PAPPA2: variants seen among roughly 807,000 people sequenced by gnomAD.
The protein encoded by PAPPA2 is pappalysin-2.
In PAPPA2, 86 loss-of-function variants were observed where a neutral mutation model predicts 176.4. The observed-to-expected ratio is 0.49, with a 90% confidence interval of 0.41 to 0.58. The LOEUF (loss-of-function observed/expected upper bound fraction) is 0.58. Among genes scored for constraint, PAPPA2 ranks in the 20% least tolerant of loss-of-function variants. The pLI is 0.00. For missense variants in PAPPA2, 2,073 were observed against 2,256.9 expected, an observed-to-expected ratio of 0.92 and a Z score of 1.65; for synonymous variants, 809 against 852.2, an observed-to-expected ratio of 0.95 and a Z score of 0.88.
intron 21 of PAPPA2, among the ~76,000 whole-genome samples, chr1:176,818,276 G>A (rs1033058134): frequency 6.6e-6 from 1 of 152,186 alleles, no homozygotes; most frequent in East Asian, 1.9e-4. Flanking sequence ...AAGATAAAGA[G>A]AAGATATAAG....
chr1:176,596,890 T>C (rs557709734), intron 3 of PAPPA2, among the ~76,000 whole-genome samples: 1 of 152,282 alleles, frequency 6.6e-6, no homozygotes, highest in East Asian at 1.9e-4. Context: ...GGACAAGGTA[T>C]CCCCAGTACA....
intron 2 of PAPPA2, among the ~76,000 whole-genome samples, chr1:176,592,708 A>G (rs1653737293): frequency 6.6e-6 from 1 of 152,178 alleles, no homozygotes; most frequent in African/African-American, 2.4e-5. Flanking sequence ...GTATGCATCA[A>G]ATATAAAGTA....
At chr1:176,791,090 T>G (rs746639466) in intron 18 of PAPPA2, among the ~76,000 whole-genome samples, 3 of 150,414 alleles carry the variant, frequency 2.0e-5, no homozygotes, top group Non-Finnish European at 4.4e-5. Flanking sequence ...TGTTCCTATA[T>G]ATAAAGGAAA....
rs1663092856 is a variant in PAPPA2 at position 176,749,970 on chromosome 1, T to TTAAA, written c.4151+9776_4151+9779dup. On this transcript the variant is annotated intron_variant, in intron 14 of 22. Coordinates refer to ENST00000367662, the MANE Select transcript of PAPPA2 (RefSeq NM_020318.3). ...CAGGCTTTTCTATAGACATAAATTT[T>TTAAA]TAAATGTCTTTGAATAAATACCAAG... Among the ~76,000 whole-genome samples, 3 of 152,346 alleles carry TTAAA rather than the reference T, an allele frequency of 2.0e-5. No homozygotes were observed. The South Asian group carries it at 6.2e-4, about 32-fold the overall frequency.
chr1:176,582,080 C>G (rs1052381262), intron 2 of PAPPA2, among the ~76,000 whole-genome samples: 23 of 151,588 alleles, frequency 1.5e-4, no homozygotes, highest in South Asian at 1.2e-3. Context: ...CCCGCCACCA[C>G]GCCCGGCTAA....
intron 3 of PAPPA2, among the ~76,000 whole-genome samples, chr1:176,640,250 G>T (rs1656991868): frequency 6.6e-6 from 1 of 150,586 alleles, no homozygotes; most frequent in Non-Finnish European, 1.5e-5. Flanking sequence ...GTGCAGGTTA[G>T]TCACATATGT....
chr1:176,483,615 T>G (rs564626612), intron 1 of PAPPA2, among the ~76,000 whole-genome samples: 1 of 152,024 alleles, frequency 6.6e-6, no homozygotes, highest in South Asian at 2.1e-4. Flanking sequence ...GGAACACATG[T>G]GCCTGCCACC....
chr1:176,681,058 A>C (rs371496434), intron 4 of PAPPA2, among the ~76,000 whole-genome samples: 46 of 152,078 alleles, frequency 3.0e-4, no homozygotes, highest in African/African-American at 9.9e-4. Flanking sequence ...TCTAAAATCA[A>C]CTAAGAAGGG....
intron 1 of PAPPA2, among the ~76,000 whole-genome samples, chr1:176,552,003 C>G (rs1049492387): frequency 6.6e-6 from 1 of 152,068 alleles, no homozygotes; most frequent in Non-Finnish European, 1.5e-5. Flanking sequence ...TTTTGTAAAA[C>G]GTGTCCAGTC....
At chr1:176,705,783 G>A (rs753820276) in intron 9 of PAPPA2, among the ~76,000 whole-genome samples, 4 of 152,186 alleles carry the variant, frequency 2.6e-5, no homozygotes, top group Non-Finnish European at 4.4e-5. Flanking sequence ...TGGTAGTAGG[G>A]AGTAAAGACA....
At chr1:176,550,578 T>C (rs1313022021) in intron 1 of PAPPA2, among the ~76,000 whole-genome samples, 1 of 150,796 alleles carries the variant, frequency 6.6e-6, no homozygotes, top group Non-Finnish European at 1.5e-5. Context: ...GCATATTGCT[T>C]TCACCATACT....
chr1:176,711,460 C>T (rs978281806), intron 11 of PAPPA2, among the ~76,000 whole-genome samples: 8 of 152,178 alleles, frequency 5.3e-5, no homozygotes, highest in Non-Finnish European at 1.2e-4. Flanking sequence ...GGTTCCCTAA[C>T]TCAGTAGCCT....
chr1:176,600,674 T>TAAA (rs1558464898), intron 3 of PAPPA2, among the ~76,000 whole-genome samples: 1 of 47,802 alleles, frequency 2.1e-5, no homozygotes, highest in African/African-American at 1.3e-4. Context: ...AGACTCCGTC[T>TAAA]CAAAAAAAAA....
intron 20 of PAPPA2, among the ~76,000 whole-genome samples, chr1:176,799,261 A>G (rs895127224): frequency 6.6e-6 from 1 of 152,240 alleles, no homozygotes; most frequent in Middle Eastern, 3.2e-3. Context: ...AGAATTTTAA[A>G]CTATAAAAAG....
At chr1:176,525,831 A>G (rs925712989) in intron 1 of PAPPA2, among the ~76,000 whole-genome samples, 4 of 152,172 alleles carry the variant, frequency 2.6e-5, no homozygotes, top group Non-Finnish European at 5.9e-5. Context: ...TTCCACTAAC[A>G]GTGTATTTCT....
chr1:176,783,890 G>A (rs568393288), intron 17 of PAPPA2, among the ~76,000 whole-genome samples: 3 of 152,262 alleles, frequency 2.0e-5, no homozygotes, highest in Admixed American at 2.0e-4. Context: ...ACAGAATCCT[G>A]GGCCCCTCTC....
At chr1:176,552,154 C>T (rs1650996501) in intron 1 of PAPPA2, among the ~76,000 whole-genome samples, 1 of 152,114 alleles carries the variant, frequency 6.6e-6, no homozygotes, top group Non-Finnish European at 1.5e-5. Context: ...AACTGCCTTC[C>T]TGGTCTCCAT....
At chr1:176,723,834 A>G (rs989162668) in intron 12 of PAPPA2, among the ~76,000 whole-genome samples, 2 of 152,292 alleles carry the variant, frequency 1.3e-5, no homozygotes, top group African/African-American at 4.8e-5. Context: ...TATTATTTAC[A>G]TAATAAGCAC....
chr1:176,535,511 A>G (rs1356701114), intron 1 of PAPPA2, among the ~76,000 whole-genome samples: 1 of 152,242 alleles, frequency 6.6e-6, no homozygotes, highest in African/African-American at 2.4e-5. Flanking sequence ...GGAGTGTGGT[A>G]TCCTAAAGGC....
Sources: gnomAD v4.1 joint callset for allele counts (sites outside exome capture counted in the v4.1 genomes callset) on GRCh38, gnomAD v4.1.1 for gene constraint, MANE v1.5 for transcripts, NCBI Gene and HGNC (gene_info 2026-07-23, HGNC 2026-07-21) for gene names.